The following CNTNAP2 variants were observed in gnomAD, a reference collection of about 807,000 sequenced individuals.
CNTNAP2 encodes contactin associated protein 2, also known as contactin-associated protein-like 2.
In CNTNAP2, 98 loss-of-function variants were observed where a neutral mutation model predicts 155.2. That is an observed-to-expected ratio of 0.63 (90% CI 0.54 to 0.75). CNTNAP2 has a LOEUF of 0.75. Among genes scored for constraint, CNTNAP2 ranks in the 30% least tolerant of loss-of-function variants. CNTNAP2 has a pLI of 0.00. For missense variants in CNTNAP2, 1,727 were observed against 1,688.1 expected (o/e 1.02, Z -0.40); for synonymous variants, 651 against 631.2 (o/e 1.03, Z -0.47).
chr7:146,929,991 T>A (rs954423183), intron 3 of CNTNAP2, among the ~76,000 whole-genome samples: 2 of 152,050 alleles, frequency 1.3e-5, no homozygotes, highest in Non-Finnish European at 1.5e-5. Context: ...ATGGGGAGAA[T>A]GGAACCAAGT....
At chr7:148,027,976 G>A (rs972631984) in intron 15 of CNTNAP2, among the ~76,000 whole-genome samples, 1 of 152,108 alleles carries the variant, frequency 6.6e-6, no homozygotes, top group Admixed American at 6.5e-5. Flanking sequence ...ACCTATAGAT[G>A]ATATCAAATC....
intron 11 of CNTNAP2, 121 bp downstream of exon 11, chr7:147,486,162 C>T: frequency 2.8e-6 from 2 of 716,022 alleles, no homozygotes; most frequent in East Asian, 5.4e-5. Flanking sequence ...ATCTGAAAAA[C>T]CAAGATTCCA....
Position 148,416,450 on chromosome 7 carries a change from A to G in CNTNAP2, c.*834A>G, listed in dbSNP as rs1799991554. ...AAGATTTTTTCCTGTTTTATCTGAA[A>G]CATACTGGATTTATATATGTATAAG... On this transcript the variant is annotated 3_prime_UTR_variant, in exon 24 of 24. Transcript: ENST00000361727. The G allele has an allele frequency of 6.6e-6, 1 of 151,378 alleles. No homozygotes were observed. The highest frequency in any genetic ancestry group is 2.5e-5 in the African/African-American group (1 of 40,718). 9.4% of individuals were successfully genotyped at this position (151,378 alleles called of 1,614,324 possible).
rs1802992607 is a variant in CNTNAP2 at position 146,807,685 on chromosome 7, C to T, written c.209-32026C>T. Among the ~76,000 whole-genome samples, 3 of 151,848 alleles carry T rather than the reference C, an allele frequency of 2.0e-5. No individual in the cohort carries two copies. In the South Asian group the frequency reaches 6.2e-4, roughly 32 times the overall value. On this transcript the variant is annotated intron_variant, in intron 2 of 23. Transcript: ENST00000361727. ...CAGGTCTCTTCCCATGACCTCTTTT[C>T]CCTCCCTCTACTTGTCTTTAGTCTT... is the stretch of plus-strand genomic sequence containing the variant.
At chr7:146,766,873 G>C (rs987570192) in intron 1 of CNTNAP2, among the ~76,000 whole-genome samples, 2 of 152,076 alleles carry the variant, frequency 1.3e-5, no homozygotes, top group African/African-American at 2.4e-5. Context: ...ACTGGGCTTT[G>C]TCTCATTAAA....
At chr7:146,714,992 G>A (rs970860763) in intron 1 of CNTNAP2, among the ~76,000 whole-genome samples, 3 of 152,082 alleles carry the variant, frequency 2.0e-5, no homozygotes, top group African/African-American at 7.2e-5. Context: ...CCTACCCTAT[G>A]AGAAGGGAAA....
chr7:148,108,505 A>G (rs182794086), intron 15 of CNTNAP2, among the ~76,000 whole-genome samples: 170 of 152,320 alleles, frequency 1.1e-3, no homozygotes, highest in African/African-American at 3.7e-3. Context: ...CAGCTGAGGA[A>G]GTGACCGCTG....
At chr7:147,810,588 T>C (rs1030579952) in intron 13 of CNTNAP2, among the ~76,000 whole-genome samples, 1 of 152,200 alleles carries the variant, frequency 6.6e-6, no homozygotes, top group Non-Finnish European at 1.5e-5. Flanking sequence ...ACTTGCTGAT[T>C]CAATACAGGT....
chr7:146,680,028 G>A (rs910346355), intron 1 of CNTNAP2, among the ~76,000 whole-genome samples: 1 of 152,076 alleles, frequency 6.6e-6, no homozygotes, highest in Admixed American at 6.5e-5. Flanking sequence ...TGTAGAACAT[G>A]TTATGTGTCA....
rs147970630 is a variant in CNTNAP2 at position 148,223,614 on chromosome 7, T to G, written c.3248-6032T>G. Among the ~76,000 whole-genome samples the G allele has an allele frequency of 2.6e-5, 4 of 152,332 alleles. No individual in the cohort carries two copies. The East Asian group carries it at 7.7e-4, about 29-fold the overall frequency. ...TCCTACCATCATTTAGCGGTCCTCT[T>G]CTGCTGTTATCTGAAAGGAATAAAT... On this transcript the variant is annotated intron_variant, in intron 19 of 23. Coordinates refer to ENST00000361727, the MANE Select transcript of CNTNAP2 (RefSeq NM_014141.6).
intron 1 of CNTNAP2, among the ~76,000 whole-genome samples, chr7:146,492,587 A>T (rs1250871832): frequency 6.6e-6 from 1 of 152,204 alleles, no homozygotes; most frequent in Admixed American, 6.5e-5. Context: ...CAACTCTAAG[A>T]CAGATGAATG....
At chr7:147,957,266 G>GTTGTTTGT (rs752940199) in intron 14 of CNTNAP2, among the ~76,000 whole-genome samples, 1 of 152,090 alleles carries the variant, frequency 6.6e-6, no homozygotes, top group African/African-American at 2.4e-5. Context: ...GAGAGCTGAA[G>GTTGTTTGT]TTGTTTGTTT....
intron 3 of CNTNAP2, among the ~76,000 whole-genome samples, chr7:146,959,776 A>T (rs1036495340): frequency 7.2e-5 from 11 of 151,808 alleles, no homozygotes; most frequent in Non-Finnish European, 1.3e-4. Flanking sequence ...TTCCAGGCTG[A>T]TTGTAAAATA....
At chr7:146,738,344 A>AT in intron 1 of CNTNAP2, among the ~76,000 whole-genome samples, 1 of 151,984 alleles carries the variant, frequency 6.6e-6, no homozygotes, top group Non-Finnish European at 1.5e-5. Context: ...TATTTTGCCC[A>AT]TTTTTAAATC....
intron 1 of CNTNAP2, among the ~76,000 whole-genome samples, chr7:146,436,630 A>C (rs1318409162): frequency 6.6e-6 from 1 of 152,230 alleles, no homozygotes; most frequent in Non-Finnish European, 1.5e-5. Flanking sequence ...GTTTAGAAGA[A>C]ACAAAAACAC....
intron 13 of CNTNAP2, among the ~76,000 whole-genome samples, chr7:147,663,147 CA>C (rs1563043773): frequency 1.3e-5 from 2 of 151,032 alleles, no homozygotes; most frequent in East Asian, 4.0e-4. Flanking sequence ...TACAGGTGCC[CA>C]CAACCACGCC....
chr7:148,125,432 C>T (rs866787632), intron 16 of CNTNAP2, among the ~76,000 whole-genome samples: 4 of 152,052 alleles, frequency 2.6e-5, no homozygotes, highest in South Asian at 4.1e-4. Flanking sequence ...GCTTAGTACA[C>T]GTATCCATGC....
At chr7:147,129,328 A>G (rs1243066593) in intron 7 of CNTNAP2, among the ~76,000 whole-genome samples, 1 of 152,236 alleles carries the variant, frequency 6.6e-6, no homozygotes, top group Non-Finnish European at 1.5e-5. Context: ...CAGACTAAAT[A>G]TTACACAGTT....
At chr7:146,457,140 T>G (rs890920054) in intron 1 of CNTNAP2, among the ~76,000 whole-genome samples, 8 of 152,098 alleles carry the variant, frequency 5.3e-5, no homozygotes, top group African/African-American at 1.9e-4. Flanking sequence ...ATTTGTCATT[T>G]GCTAAATGCA....
Sources: gnomAD v4.1 joint callset for allele counts (sites outside exome capture counted in the v4.1 genomes callset) on GRCh38, gnomAD v4.1.1 for gene constraint, MANE v1.5 for transcripts, NCBI Gene and HGNC (gene_info 2026-07-23, HGNC 2026-07-21) for gene names.